The following SLC2A13 variants were observed in gnomAD, a reference collection of about 807,000 sequenced individuals.
SLC2A13 encodes proton myo-inositol cotransporter.
SLC2A13 carries 32 observed loss-of-function variants against 64.4 expected under a neutral mutation model. The observed-to-expected ratio is 0.50, with a 90% CI of 0.37 to 0.67. SLC2A13 has a LOEUF of 0.67. Among genes scored for constraint, SLC2A13 ranks in the 30% least tolerant of loss-of-function variants. The probability of loss-of-function intolerance (pLI) is 0.00; values close to 1 mark genes in which losing one functional copy is unlikely to be tolerated. For missense variants in SLC2A13, 743 were observed against 829.2 expected (o/e 0.90, Z 1.28); for synonymous variants, 338 against 327.1 (o/e 1.03, Z -0.36).
intron 6 of SLC2A13, among the ~76,000 whole-genome samples, chr12:39,840,953 C>G (rs1370928705): frequency 6.6e-6 from 1 of 152,086 alleles, no homozygotes. Context: ...TCAGACACCT[C>G]GTTCTCCATT....
intron 5 of SLC2A13, among the ~76,000 whole-genome samples, chr12:39,869,208 A>G (rs904253380): frequency 2.0e-5 from 3 of 152,232 alleles, no homozygotes; most frequent in Non-Finnish European, 2.9e-5. Context: ...AGAAAAATCA[A>G]TTGTGAGTGA....
Position 39,951,350 on chromosome 12 carries a change from C to T in SLC2A13, c.941G>A (p.Cys314Tyr). Residue 314 changes from cysteine to tyrosine, a missense_variant, in exon 4 of 10, where the codon TGC becomes TAC. By Grantham distance (194) the Cys-to-Tyr change is radical. This residue lies in a region of SLC2A13 where 448 missense variants were observed against 447.4 expected (regional missense o/e 1.00). Coordinates refer to ENST00000280871, the MANE Select transcript of SLC2A13 (RefSeq NM_052885.4). ...KEVGSAGPVI[C>Y]RMLSYPPTRR... ...AGTTGGGGGATAACTCAGCATTCTG[C>T]AGATCACAGGTCCAGCTTTTTTAAG... is the stretch of plus-strand genomic sequence containing the variant. 6.3e-7 allele frequency: 1 copy of T among 1,593,238 alleles called. No homozygotes were observed.
rs141336430 is a variant in SLC2A13, at chr12:39,842,975, T to C, written c.1320-12747A>G. ...TTTTTACAGTTATACAATATTCCAC[T>C]GTAGGATATATCACACTTCATGTAT... On this transcript the variant is annotated intron_variant, in intron 6 of 9. Transcript: ENST00000280871. 3.3e-3 allele frequency among the ~76,000 whole-genome samples: 495 copies of C among 152,204 alleles called. 1 individual carries two copies. Among genetic ancestry groups the C allele is most frequent in the African/African-American group, 0.011 (473 of 41,564 alleles).
chr12:39,931,754 C>T (rs1945829447), intron 4 of SLC2A13, among the ~76,000 whole-genome samples: 1 of 152,042 alleles, frequency 6.6e-6, no homozygotes, highest in South Asian at 2.1e-4. Context: ...TAGGAATGGA[C>T]TCTGCAAAGC....
At chr12:39,996,126 G>T (rs1947225172) in intron 3 of SLC2A13, among the ~76,000 whole-genome samples, 1 of 152,224 alleles carries the variant, frequency 6.6e-6, no homozygotes, top group African/African-American at 2.4e-5. Flanking sequence ...AACCCAGGTT[G>T]AAGTGGTCTC....
At chr12:39,922,221 G>T (rs1223688399) in intron 4 of SLC2A13, among the ~76,000 whole-genome samples, 1 of 152,080 alleles carries the variant, frequency 6.6e-6, no homozygotes, top group African/African-American at 2.4e-5. Flanking sequence ...TTATTCCATT[G>T]ATTTTGACAG....
chr12:39,909,783 G>A (rs569984598), intron 4 of SLC2A13, among the ~76,000 whole-genome samples: 3 of 151,944 alleles, frequency 2.0e-5, no homozygotes, highest in South Asian at 4.2e-4. Flanking sequence ...AGAATTAAAC[G>A]AGAAACAGTA....
At chr12:40,063,611 A>G (rs1208368569) in intron 1 of SLC2A13, among the ~76,000 whole-genome samples, 2 of 152,174 alleles carry the variant, frequency 1.3e-5, no homozygotes, top group African/African-American at 2.4e-5. Flanking sequence ...TACCACACTA[A>G]TTGCAAAATT....
chr12:39,825,897 G>C (rs966715618), intron 7 of SLC2A13, among the ~76,000 whole-genome samples: 1 of 151,900 alleles, frequency 6.6e-6, no homozygotes, highest in African/African-American at 2.4e-5. Context: ...ATCTTGTTTT[G>C]CATTGTGATT....
chr12:39,966,721 T>A (rs1331868880), intron 3 of SLC2A13, among the ~76,000 whole-genome samples: 1 of 152,144 alleles, frequency 6.6e-6, no homozygotes, highest in Non-Finnish European at 1.5e-5. Flanking sequence ...TTAATGCTAC[T>A]TTTATGTGCT....
intron 6 of SLC2A13, among the ~76,000 whole-genome samples, chr12:39,860,412 A>G (rs147898049): frequency 3.5e-4 from 54 of 152,346 alleles, no homozygotes; most frequent in African/African-American, 1.2e-3. Flanking sequence ...GAGTCTTGAT[A>G]AAGATCTTAG....
At chr12:40,054,078 C>T (rs1948300235) in intron 1 of SLC2A13, among the ~76,000 whole-genome samples, 2 of 151,962 alleles carry the variant, frequency 1.3e-5, no homozygotes, top group Admixed American at 6.6e-5. Context: ...GTAATTCAGC[C>T]CTTGATTTAT....
rs186805832 is a variant in SLC2A13 at position 39,813,883 on chromosome 12, G to A, written c.1445+16220C>T. 6.6e-5 allele frequency among the ~76,000 whole-genome samples: 10 copies of A among 152,282 alleles called. No individual in the cohort carries two copies. In the East Asian group the frequency reaches 9.6e-4, roughly 15 times the overall value. ...TTTAAAATTGGAGTTTCCATTTTAC[G>A]CTGAAGAATGTCATTCCTGGAAACT... On this transcript the variant is annotated intron_variant, in intron 7 of 9. Transcript: ENST00000280871.
At chr12:40,100,722 G>A (rs543259739) in intron 1 of SLC2A13, among the ~76,000 whole-genome samples, 2 of 152,196 alleles carry the variant, frequency 1.3e-5, no homozygotes, top group African/African-American at 4.8e-5. Context: ...CCAGCACTTT[G>A]GAAGGCCGAA....
intron 4 of SLC2A13, among the ~76,000 whole-genome samples, chr12:39,898,716 A>C (rs934791279): frequency 2.0e-5 from 3 of 152,128 alleles, no homozygotes; most frequent in Non-Finnish European, 4.4e-5. Context: ...TGACTGCTCA[A>C]TCTGGGGCAT....
At chr12:39,796,160 C>A in intron 7 of SLC2A13, among the ~76,000 whole-genome samples, 1 of 152,224 alleles carries the variant, frequency 6.6e-6, no homozygotes, top group East Asian at 1.9e-4. Context: ...GGTACTAGAC[C>A]TAACATGTTT....
At chr12:39,864,943 G>A in intron 5 of SLC2A13, 61 bp from the exon 6 acceptor site, 3 of 1,469,248 alleles carry the variant, frequency 2.0e-6, no homozygotes, top group East Asian at 2.4e-5. Flanking sequence ...AGGCAGACTG[G>A]GTTTGGTAAA....
intron 4 of SLC2A13, among the ~76,000 whole-genome samples, chr12:39,928,104 T>C (rs1469428671): frequency 6.6e-6 from 1 of 152,198 alleles, no homozygotes; most frequent in Non-Finnish European, 1.5e-5. Context: ...ATCTTTCCTA[T>C]AGCAACATTA....
At chr12:39,941,612 G>A (rs1020969146) in intron 4 of SLC2A13, among the ~76,000 whole-genome samples, 7 of 152,060 alleles carry the variant, frequency 4.6e-5, no homozygotes, top group African/African-American at 7.2e-5. Flanking sequence ...ACTTTTTGAT[G>A]GGATTGTTTT....
Sources: allele counts gnomAD v4.1 joint callset (sites outside exome capture counted in the v4.1 genomes callset), GRCh38; gene constraint gnomAD v4.1.1; regional missense constraint gnomAD v4.1.1; transcripts MANE v1.5; gene names NCBI Gene and HGNC (gene_info 2026-07-23, HGNC 2026-07-21).